The following PHF21A variants were observed in gnomAD, a reference collection of about 807,000 sequenced individuals.
The protein encoded by PHF21A is PHD finger protein 21A.
In PHF21A, 11 loss-of-function variants were observed where a neutral mutation model predicts 82.5. The ratio of observed to expected loss-of-function variants is 0.13; its 90% CI spans 0.08 to 0.22. PHF21A has a LOEUF of 0.22. Ranked by LOEUF, PHF21A falls within the 10% of genes least tolerant of loss-of-function variation. The probability of loss-of-function intolerance (pLI) is 1.00; values close to 1 mark genes in which losing one functional copy is unlikely to be tolerated. For missense variants in PHF21A, 579 were observed against 837.8 expected (o/e 0.69, Z 3.81); for synonymous variants, 297 against 302.8 (o/e 0.98, Z 0.20).
intron 6 of PHF21A, among the ~76,000 whole-genome samples, chr11:46,023,139 GA>G (rs960766412): frequency 1.3e-5 from 2 of 151,968 alleles, no homozygotes; most frequent in African/African-American, 4.8e-5. Context: ...AAAACAATTA[GA>G]AAAAAAGAGA....
intron 1 of PHF21A, among the ~76,000 whole-genome samples, chr11:46,115,162 C>T (rs1268918288): frequency 1.3e-5 from 2 of 151,810 alleles, no homozygotes; most frequent in East Asian, 3.8e-4. Context: ...TTGCAGGGTA[C>T]TGAAAGGGAG....
In PHF21A at chr11:46,054,476, C is replaced by T. The variant is rs934300847; in HGVS notation, c.153+22278G>A. Among the ~76,000 whole-genome samples, 8 of 152,114 alleles carry T rather than the reference C, an allele frequency of 5.3e-5. No individual in the cohort carries two copies. The East Asian group carries it at 1.2e-3, about 22-fold the overall frequency. On this transcript the variant is annotated intron_variant, in intron 6 of 18. Transcript: ENST00000676320. ...TCCTACACATCTTTTTATGCCTGGG[C>T]GCCATTCTCGAAGATTCTGATTCAA...
chr11:46,058,106 C>A (rs1369707136), intron 6 of PHF21A, among the ~76,000 whole-genome samples: 4 of 152,138 alleles, frequency 2.6e-5, no homozygotes, highest in Non-Finnish European at 5.9e-5. Flanking sequence ...CTTAAACCTG[C>A]AGAAAACAGA....
chr11:46,068,192 C>T (rs551919876), intron 6 of PHF21A, among the ~76,000 whole-genome samples: 1 of 152,118 alleles, frequency 6.6e-6, no homozygotes, highest in Non-Finnish European at 1.5e-5. Flanking sequence ...ATGGAAGTAA[C>T]ACTGCCAAGA....
chr11:46,063,742 G>C (rs2096562925), intron 6 of PHF21A, among the ~76,000 whole-genome samples: 1 of 152,168 alleles, frequency 6.6e-6, no homozygotes, highest in African/African-American at 2.4e-5. Context: ...GAAATTTAAA[G>C]AGTTATATAT....
rs550396867 is a variant in PHF21A, at chr11:46,021,678, A to C, written c.154-41712T>G. Among the ~76,000 whole-genome samples, 7 of 152,214 alleles carry C rather than the reference A, an allele frequency of 4.6e-5. 1 individual carries two copies. In the East Asian group the frequency reaches 1.4e-3, roughly 29 times the overall value. On this transcript the variant is annotated intron_variant, in intron 6 of 18. Transcript: ENST00000676320. ...TGCCTCAGCCTCTCAAGTCTCTGAG[A>C]CTATAGGCACACACCACTATGCCCA...
In PHF21A at chr11:45,980,625, A is replaced by G. The variant is rs539205136; in HGVS notation, c.154-659T>C. The stretch of plus-strand genomic sequence containing the variant: ...ACTCCTGGCATCAAGCAATCTTCTC[A>G]CTTCAGCATCCCAAGTAGCTGGAAC... On this transcript the variant is annotated intron_variant, in intron 6 of 18. Coordinates refer to ENST00000676320, the MANE Select transcript of PHF21A (RefSeq NM_001352027.3). 1.3e-4 allele frequency among the ~76,000 whole-genome samples: 20 copies of G among 148,410 alleles called. No individual in the cohort carries two copies. The South Asian group carries it at 4.2e-3, about 31-fold the overall frequency.
At chr11:46,119,740 A>G (rs1272874155) in intron 1 of PHF21A, 2 of 30,080 alleles carry the variant, frequency 6.6e-5, no homozygotes, top group Non-Finnish European at 1.7e-4. Context: ...GAACGTGGTC[A>G]GGGGAAAAAA....
chr11:46,079,051 T>C (rs537414951), intron 5 of PHF21A, 83 bp downstream of exon 5: 5 of 770,722 alleles, frequency 6.5e-6, no homozygotes, highest in African/African-American at 3.5e-5. Context: ...TTAAGTACCA[T>C]CTATATTTAA....
intron 6 of PHF21A, among the ~76,000 whole-genome samples, chr11:46,068,065 G>C (rs2096614926): frequency 6.6e-6 from 1 of 152,170 alleles, no homozygotes. Context: ...GCACAGTCTT[G>C]AGAGAGCCCA....
intron 6 of PHF21A, among the ~76,000 whole-genome samples, chr11:46,055,005 T>C (rs139927266): frequency 6.7e-4 from 102 of 152,318 alleles, no homozygotes; most frequent in African/African-American, 2.4e-3. Flanking sequence ...AATCTTGTAA[T>C]ACAGGACCAG....
At chr11:45,969,757 C>G in intron 9 of PHF21A, 58 bp downstream of exon 9, 1 of 1,152,480 alleles carries the variant, frequency 8.7e-7, no homozygotes, top group South Asian at 1.2e-5. Flanking sequence ...TTAGAAAGAG[C>G]CCATGAGGAT....
intron 1 of PHF21A, among the ~76,000 whole-genome samples, 189 bp downstream of exon 1, chr11:46,120,746 C>T (rs1853043407): frequency 6.6e-6 from 1 of 151,768 alleles, no homozygotes. Flanking sequence ...CTCCCCCTAC[C>T]TCCCCCCACA....
chr11:46,054,403 C>T lies in PHF21A; in HGVS notation c.153+22351G>A, dbSNP rs1247657063. Among the ~76,000 whole-genome samples the T allele has an allele frequency of 3.3e-5, 5 of 152,256 alleles. No homozygotes were observed. In the South Asian group the frequency reaches 1.0e-3, roughly 32 times the overall value. The stretch of plus-strand genomic sequence containing the variant: ...TATGTCAAATTGGCTTGGGGTTATC[C>T]AATTTAGTTTGGGCAATATCAAACA... On this transcript the variant is annotated intron_variant, in intron 6 of 18. Transcript: ENST00000676320.
intron 6 of PHF21A, among the ~76,000 whole-genome samples, chr11:46,006,544 C>G (rs914647384): frequency 9.9e-5 from 15 of 152,076 alleles, no homozygotes; most frequent in Admixed American, 4.6e-4. Flanking sequence ...TCTAAAGATA[C>G]TAAAATCAGT....
intron 4 of PHF21A, among the ~76,000 whole-genome samples, chr11:46,080,557 A>C (rs941565766): frequency 6.6e-6 from 1 of 152,214 alleles, no homozygotes; most frequent in African/African-American, 2.4e-5. Context: ...GGTTCCTTAC[A>C]AAAAAGGTCC....
intron 6 of PHF21A, among the ~76,000 whole-genome samples, chr11:46,057,465 C>G (rs1326650622): frequency 6.6e-6 from 1 of 152,074 alleles, no homozygotes; most frequent in Non-Finnish European, 1.5e-5. Flanking sequence ...TGAACCCAGG[C>G]TGGTTTAGAA....
intron 6 of PHF21A, among the ~76,000 whole-genome samples, chr11:46,006,969 T>C (rs1227186311): frequency 6.6e-6 from 1 of 152,242 alleles, no homozygotes; most frequent in Non-Finnish European, 1.5e-5. Flanking sequence ...GAGCTATTAT[T>C]TACTTATTAA....
Position 46,018,105 on chromosome 11 carries a change from C to T in PHF21A, c.154-38139G>A, listed in dbSNP as rs572536718. ...CTCTACTAAAAATACAAAAAATTAG[C>T]CGGGCGTAGTGGCGGGCGCCTGTAG... On this transcript the variant is annotated intron_variant, in intron 6 of 18. Transcript: ENST00000676320. Among the ~76,000 whole-genome samples the T allele has an allele frequency of 7.2e-5, 11 of 151,946 alleles. No homozygotes were observed. In the East Asian group the frequency reaches 1.9e-3, roughly 27 times the overall value.
Sources: gnomAD v4.1 joint callset for allele counts (sites outside exome capture counted in the v4.1 genomes callset) on GRCh38, gnomAD v4.1.1 for gene constraint, MANE v1.5 for transcripts, NCBI Gene and HGNC (gene_info 2026-07-23, HGNC 2026-07-21) for gene names.